NBPF26: variants seen among roughly 807,000 people sequenced by gnomAD.
The protein encoded by NBPF26 is NBPF member 26, also known as NBPF family member NBPF26.
A neutral mutation model predicts 119.6 loss-of-function variants in NBPF26; 79 were observed. That is an observed-to-expected ratio of 0.66 (90% CI 0.55 to 0.80). The LOEUF is 0.80. Ranked by LOEUF, NBPF26 falls within the 30% of genes least tolerant of loss-of-function variation. The pLI is 0.00. For missense variants in NBPF26, 800 were observed against 1,198.2 expected (o/e 0.67, Z 4.91); for synonymous variants, 299 against 457.7 (o/e 0.65, Z 4.43).
chr1:120,840,444 C>T lies in NBPF26; in HGVS notation c.4198C>T (p.Pro1400Ser), dbSNP rs1553273486. The T allele has an allele frequency of 2.1e-5, 31 of 1,474,654 alleles. 7 individuals carry two copies. Among genetic ancestry groups the T allele is most frequent in the Non-Finnish European group, 2.7e-5 (29 of 1,089,756 alleles). The allele number at this position is 1,474,654 out of a possible 1,614,324, so 91.3% of individuals were successfully genotyped here. Residue 1400 changes from proline to serine, a missense_variant, in exon 30 of 30, where the codon CCT (proline) becomes TCT (serine). By Grantham distance (74) the Pro-to-Ser change is moderately conservative. Around this residue, in one of 13 missense-constraint regions of NBPF26, gnomAD observed 155 missense variants for 95.9 expected, o/e 1.62. Transcript: ENST00000620612. ...GACTCCGTCAATGTACTTTGAACTA[C>T]CTGACTCATTCCAGCACTACAGAAG...
intron 12 of NBPF26, among the ~76,000 whole-genome samples, chr1:120,815,283 G>T (rs1245825767): frequency 1.7e-5 from 2 of 116,578 alleles, no homozygotes; most frequent in Non-Finnish European, 3.3e-5. Context: ...GCAAGAGGCA[G>T]CATCTATCTA....
chr1:120,778,309 G>C lies in NBPF26; in HGVS notation c.156-6665G>C, dbSNP rs1391904081. ...GCAGGCTGCCACTGCGGATTGGGGG[G>C]CCAAGAGGCCCAGCGCAAGAAGAAA... On this transcript the variant is annotated intron_variant, in intron 2 of 29. Transcript: ENST00000620612. Among the ~76,000 whole-genome samples the C allele has an allele frequency of 2.8e-5, 2 of 70,530 alleles. 1 individual carries two copies. Among genetic ancestry groups the C allele is most frequent in the Non-Finnish European group, 4.8e-5 (2 of 41,710 alleles). 46.3% of individuals were successfully genotyped at this position (70,530 alleles called of 152,430 possible). A position where few individuals can be genotyped will look rare whatever the true frequency, so the allele number is the denominator to read the frequency against.
At chr1:120,781,847 C>T (rs1231372592) in intron 2 of NBPF26, among the ~76,000 whole-genome samples, 4 of 117,514 alleles carry the variant, frequency 3.4e-5, no homozygotes, top group East Asian at 2.1e-4. Context: ...TGTGAGCCAC[C>T]GCACCTGGCT....
rs1182475397 is a variant in NBPF26 at position 120,823,632 on chromosome 1, A to G, written c.2639+272A>G. Reference sequence around the variant, plus strand: ...AGGGAAACTTGACCACATTTTACGCAAAATTATTGAGGACATGCTTTTCAT... The same window carrying G: ...AGGGAAACTTGACCACATTTTACGCGAAATTATTGAGGACATGCTTTTCAT... On this transcript the variant is annotated intron_variant, in intron 17 of 29. Coordinates refer to ENST00000620612, the Ensembl canonical transcript of NBPF26. Among the ~76,000 whole-genome samples, 13 of 125,352 alleles carry G rather than the reference A, an allele frequency of 1.0e-4. 2 individuals are homozygous for G. Among genetic ancestry groups the G allele is most frequent in the Non-Finnish European group, 2.1e-4 (13 of 61,298 alleles). The allele number at this position is 125,352 out of a possible 152,430, so 82.2% of individuals were successfully genotyped here.
chr1:120,814,487 G>A (rs1651958778), intron 11 of NBPF26, among the ~76,000 whole-genome samples: 1 of 111,788 alleles, frequency 8.9e-6, no homozygotes, highest in Non-Finnish European at 1.8e-5. Context: ...GTGGCCGCAA[G>A]ATGCACTATG....
chr1:120,817,414 G>GGTTTT (rs1652033534), intron 14 of NBPF26, among the ~76,000 whole-genome samples: 1 of 6,538 alleles, frequency 1.5e-4, no homozygotes, highest in Non-Finnish European at 2.6e-4. Context: ...TAGCATCGTG[G>GGTTTT]ATTTTTTTTT....
At chr1:120,758,900 A>G (rs1440868533) in intron 1 of NBPF26, among the ~76,000 whole-genome samples, 1 of 88,630 alleles carries the variant, frequency 1.1e-5, no homozygotes, top group Non-Finnish European at 2.0e-5. Context: ...CCTAGACACT[A>G]TCTGAGGTAC....
At chr1:120,814,909 C>T (rs1378992492) in exon 12 of NBPF26, 4 of 1,223,518 alleles carry the variant, frequency 3.3e-6, no homozygotes, top group Non-Finnish European at 4.6e-6. Context: ...AGAGATGCCT[C>T]CCGCTCATTG....
rs1238921423 is a variant in NBPF26 at position 120,805,976 on chromosome 1, A to G, written c.961+211A>G. On this transcript the variant is annotated intron_variant, in intron 5 of 29. Coordinates refer to ENST00000620612, the Ensembl canonical transcript of NBPF26. ...CATGTTTGCAATCAGATGGGGGTGG[A>G]ACTAGAGTTAAACTCACAGTTATTG... 3.6e-5 allele frequency among the ~76,000 whole-genome samples: 4 copies of G among 110,762 alleles called. No individual in the cohort carries two copies. The East Asian group carries it at 6.3e-4, about 17-fold the overall frequency. The allele number at this position is 110,762 out of a possible 152,430, so 72.7% of individuals were successfully genotyped here.
Position 120,790,564 on chromosome 1 carries a change from C to CTTTG in NBPF26, c.416-2594_416-2593insGTTT, listed in dbSNP as rs1302460877. 9.8e-5 allele frequency among the ~76,000 whole-genome samples: 10 copies of CTTTG among 101,952 alleles called. 3 individuals carry two copies. Among genetic ancestry groups the CTTTG allele is most frequent in the Admixed American group, 5.9e-4 (6 of 10,210 alleles). The allele number at this position is 101,952 out of a possible 152,430, so 66.9% of individuals were successfully genotyped here. A position where few individuals can be genotyped will look rare whatever the true frequency, so the allele number is the denominator to read the frequency against. ...TCTTTCTTTCTTTCTTTCTTTCTTT[C>CTTTG]TTTCTTTCTTTCTTTCTTTCTTTCT... On this transcript the variant is annotated intron_variant, in intron 3 of 29. Transcript: ENST00000620612.
chr1:120,781,480 G>A (rs1651360821), intron 2 of NBPF26, among the ~76,000 whole-genome samples: 1 of 37,850 alleles, frequency 2.6e-5, no homozygotes, highest in East Asian at 5.6e-4. Context: ...GTGATGGGGA[G>A]GCAGGATAGC....
At chr1:120,813,069 G>C (rs1378023265) in intron 10 of NBPF26, among the ~76,000 whole-genome samples, 250 of 119,304 alleles carry the variant, frequency 2.1e-3, no homozygotes, top group African/African-American at 0.011. Context: ...CCGAGAATGT[G>C]TGGAGATAGC....
rs1474807447 is a variant in NBPF26, at chr1:120,817,028, G to T, written c.2371+201G>T. Reference sequence around the variant, plus strand: ...CCCAGTATCAAGTTACTCAACCCCAGGCAAGTGTGACAATCTCATAGTCAC... The same window carrying T: ...CCCAGTATCAAGTTACTCAACCCCATGCAAGTGTGACAATCTCATAGTCAC... On this transcript the variant is annotated intron_variant, in intron 14 of 29. Transcript: ENST00000620612. Among the ~76,000 whole-genome samples the T allele has an allele frequency of 5.1e-5, 6 of 118,496 alleles. 2 individuals carry two copies. Among genetic ancestry groups the T allele is most frequent in the Non-Finnish European group, 9.8e-5 (6 of 61,042 alleles). 77.7% of individuals were successfully genotyped at this position (118,496 alleles called of 152,430 possible). A position where few individuals can be genotyped will look rare whatever the true frequency, so the allele number is the denominator to read the frequency against.
chr1:120,790,266 G>A lies in NBPF26; in HGVS notation c.416-2895G>A, dbSNP rs1452311781. ...CCTGACCTCATGATCCACCCGCCTC[G>A]GCCTCCCAAAGTGCTGGGATTACAG... On this transcript the variant is annotated intron_variant, in intron 3 of 29. Transcript: ENST00000620612. Among the ~76,000 whole-genome samples the A allele has an allele frequency of 3.2e-4, 35 of 108,352 alleles. 10 individuals carry two copies. The East Asian group carries it at 4.5e-3, about 14-fold the overall frequency. The allele number at this position is 108,352 out of a possible 152,430, so 71.1% of individuals were successfully genotyped here.
rs1553271834 is a variant in NBPF26 at position 120,816,935 on chromosome 1, G to T, written c.2371+108G>T. 5.6e-5 allele frequency: 63 copies of T among 1,130,646 alleles called. 6 individuals are homozygous for T. The highest frequency in any genetic ancestry group is 1.1e-4 in the African/African-American group (4 of 36,004). The allele number at this position is 1,130,646 out of a possible 1,614,324, so 70.0% of individuals were successfully genotyped here. On this transcript the variant is annotated intron_variant, in intron 14 of 29. Transcript: ENST00000620612. ...TTCATTTGAATAAAAAACTGTGATGGGTTTCTAAACAGATATCAGGGAGTT... is the reference window on the plus strand; with the variant it reads ...TTCATTTGAATAAAAAACTGTGATGTGTTTCTAAACAGATATCAGGGAGTT...
rs1356761623 is a variant in NBPF26 at position 120,778,297 on chromosome 1, G to A, written c.156-6677G>A. On this transcript the variant is annotated intron_variant, in intron 2 of 29. Coordinates refer to ENST00000620612, the Ensembl canonical transcript of NBPF26. Reference sequence around the variant, plus strand: ...AGCTCAGCTAGGGCAGGCTGCCACTGCGGATTGGGGGGCCAAGAGGCCCAG... The same window carrying A: ...AGCTCAGCTAGGGCAGGCTGCCACTACGGATTGGGGGGCCAAGAGGCCCAG... 4.9e-4 allele frequency among the ~76,000 whole-genome samples: 32 copies of A among 64,828 alleles called. 1 individual carries two copies. In the South Asian group the frequency reaches 0.01, roughly 21 times the overall value. 42.5% of individuals were successfully genotyped at this position (64,828 alleles called of 152,430 possible). A position where few individuals can be genotyped will look rare whatever the true frequency, so the allele number is the denominator to read the frequency against.
At chr1:120,804,883 C>T (rs1651642177) in intron 4 of NBPF26, among the ~76,000 whole-genome samples, 1 of 119,678 alleles carries the variant, frequency 8.4e-6, no homozygotes, top group Non-Finnish European at 1.6e-5. Flanking sequence ...CTAGTGGATA[C>T]AGAAAAAACT....
intron 1 of NBPF26, among the ~76,000 whole-genome samples, chr1:120,750,041 ATGT>A (rs1651006139): frequency 1.6e-5 from 1 of 62,056 alleles, no homozygotes; most frequent in Non-Finnish European, 2.7e-5. Context: ...CTACCTGAGA[ATGT>A]TGTAGTCACA....
chr1:120,823,476 T>G, intron 17 of NBPF26, 116 bp downstream of exon 17: 1 of 675,790 alleles, frequency 1.5e-6, no homozygotes, highest in South Asian at 1.5e-5. Flanking sequence ...AAGTCTGAAT[T>G]ATGCCTACTA....
Sources: allele counts gnomAD v4.1 joint callset (sites outside exome capture counted in the v4.1 genomes callset), GRCh38; gene constraint gnomAD v4.1.1; regional missense constraint gnomAD v4.1.1; transcripts MANE v1.5; gene names NCBI Gene and HGNC (gene_info 2026-07-23, HGNC 2026-07-21).